The following SLC8A3 variants were observed in gnomAD, a reference collection of about 807,000 sequenced individuals.
SLC8A3 encodes solute carrier family 8 member A3.
In SLC8A3, 37 loss-of-function variants were observed where a neutral mutation model predicts 65.4. The ratio of observed to expected loss-of-function variants is 0.57; its 90% CI spans 0.44 to 0.74. SLC8A3 has a LOEUF of 0.74. Ranked by LOEUF, SLC8A3 falls within the 30% of genes least tolerant of loss-of-function variation. SLC8A3 has a pLI of 0.00. For missense variants in SLC8A3, 1,112 were observed against 1,172.1 expected, an observed-to-expected ratio of 0.95 and a Z score of 0.75; for synonymous variants, 461 against 444.5, an observed-to-expected ratio of 1.04 and a Z score of -0.47.
intron 2 of SLC8A3, among the ~76,000 whole-genome samples, chr14:70,156,270 T>C (rs1896568063): frequency 6.6e-6 from 1 of 152,182 alleles, no homozygotes; most frequent in African/African-American, 2.4e-5. Flanking sequence ...GTGTTATATG[T>C]AGGATAAAGA....
chr14:70,140,989 G>C (rs1895532455), intron 2 of SLC8A3, among the ~76,000 whole-genome samples: 1 of 152,148 alleles, frequency 6.6e-6, no homozygotes, highest in Admixed American at 6.5e-5. Flanking sequence ...TTAAATCAAA[G>C]GCTTCTGCTG....
chr14:70,117,411 T>G (rs1239623564), intron 2 of SLC8A3, among the ~76,000 whole-genome samples: 1 of 152,232 alleles, frequency 6.6e-6, no homozygotes, highest in Non-Finnish European at 1.5e-5. Context: ...CAGTTGGGCT[T>G]CTTTCACTTC....
At chr14:70,049,208 G>A (rs376643886) in intron 5 of SLC8A3, among the ~76,000 whole-genome samples, 166 bp from the exon 6 acceptor site, 1 of 152,220 alleles carries the variant, frequency 6.6e-6, no homozygotes, top group Admixed American at 6.5e-5. Context: ...AAAATAGTGG[G>A]GAAACAATTT....
intron 2 of SLC8A3, among the ~76,000 whole-genome samples, chr14:70,154,920 C>CTTTT (rs60863511): frequency 7.8e-6 from 1 of 128,930 alleles, no homozygotes; most frequent in Non-Finnish European, 1.6e-5. Context: ...ATTTATCATT[C>CTTTT]TTTTTTTTTT....
chr14:70,072,477 G>A (rs982940571), intron 2 of SLC8A3, among the ~76,000 whole-genome samples: 9 of 151,798 alleles, frequency 5.9e-5, no homozygotes, highest in African/African-American at 2.2e-4. Flanking sequence ...GCTCTACAGG[G>A]TAGAAAATAT....
intron 2 of SLC8A3, among the ~76,000 whole-genome samples, chr14:70,163,918 C>T (rs1049332654): frequency 3.3e-5 from 5 of 152,164 alleles, no homozygotes; most frequent in Non-Finnish European, 7.3e-5. Context: ...AAGGTCCTTT[C>T]TAGCTCTAAT....
chr14:70,103,312 C>T (rs1024856888), intron 2 of SLC8A3, among the ~76,000 whole-genome samples: 31 of 151,924 alleles, frequency 2.0e-4, no homozygotes, highest in African/African-American at 7.2e-4. Flanking sequence ...CAAATGAAAA[C>T]GGGTTTACAG....
chr14:70,055,659 C>A, intron 3 of SLC8A3: 1 of 666,660 alleles, frequency 1.5e-6, no homozygotes, highest in East Asian at 2.9e-5. Context: ...AAATAAATCT[C>A]CCAGTCCTTG....
At chr14:70,063,455 C>T (rs1332379082) in intron 2 of SLC8A3, among the ~76,000 whole-genome samples, 2 of 152,188 alleles carry the variant, frequency 1.3e-5, no homozygotes, top group Non-Finnish European at 2.9e-5. Flanking sequence ...CTATGTGGTC[C>T]CTTTTCCCCC....
chr14:70,047,383 C>T (rs935135380), intron 6 of SLC8A3: 20 of 151,968 alleles, frequency 1.3e-4, no homozygotes, highest in Non-Finnish European at 2.8e-4. Flanking sequence ...TATTTCTTCC[C>T]ACCTCTATGC....
chr14:70,160,081 G>A (rs904264901), intron 2 of SLC8A3, among the ~76,000 whole-genome samples: 9 of 152,240 alleles, frequency 5.9e-5, no homozygotes, highest in Non-Finnish European at 1.2e-4. Flanking sequence ...AATAAAAAAA[G>A]CAATACATTA....
intron 2 of SLC8A3, among the ~76,000 whole-genome samples, chr14:70,138,037 G>A (rs578103554): frequency 1.7e-4 from 26 of 152,268 alleles, no homozygotes; most frequent in Admixed American, 6.5e-4. Context: ...AAAATGGATG[G>A]CAGATGTTCC....
intron 2 of SLC8A3, among the ~76,000 whole-genome samples, chr14:70,148,145 A>G (rs979896443): frequency 1.3e-5 from 2 of 152,228 alleles, no homozygotes; most frequent in Non-Finnish European, 2.9e-5. Context: ...TTATTTTAAA[A>G]TAGGCTTTGT....
At chr14:70,160,972 C>T (rs543382921) in intron 2 of SLC8A3, among the ~76,000 whole-genome samples, 12 of 150,796 alleles carry the variant, frequency 8.0e-5, no homozygotes, top group African/African-American at 2.2e-4. Flanking sequence ...TGGTCGGGCA[C>T]GGTGGCTCAC....
chr14:70,177,097 G>A (rs964752562), intron 1 of SLC8A3, among the ~76,000 whole-genome samples: 12 of 152,226 alleles, frequency 7.9e-5, no homozygotes, highest in African/African-American at 2.9e-4. Flanking sequence ...ACTCAAAAAA[G>A]TTATAAGTTC....
At chr14:70,063,789 T>A (rs1889085463) in intron 2 of SLC8A3, 1 of 1,105,850 alleles carries the variant, frequency 9.0e-7, no homozygotes, top group Non-Finnish European at 1.4e-6. Flanking sequence ...GAGAGAAGAA[T>A]GTTAGTGTTA....
In SLC8A3 at chr14:70,064,459, A is replaced by G. The variant is rs542098659; in HGVS notation, c.1785-3520T>C. On this transcript the variant is annotated intron_variant, in intron 2 of 6. Coordinates refer to ENST00000356921, the MANE Select transcript of SLC8A3 (RefSeq NM_182932.3). ...GAAAGGGACAAACTGGTTTGTGGAA[A>G]TCTTGCCCAGAAATAGTAGAACTTC... Among the ~76,000 whole-genome samples the G allele has an allele frequency of 6.8e-5, 10 of 146,472 alleles. No homozygotes were observed. The South Asian group carries it at 2.2e-3, about 32-fold the overall frequency.
intron 3 of SLC8A3, among the ~76,000 whole-genome samples, chr14:70,058,520 T>C (rs1384800985): frequency 2.0e-5 from 3 of 152,210 alleles, no homozygotes; most frequent in African/African-American, 7.2e-5. Context: ...ACCACACAGA[T>C]AGCTTGCTGA....
chr14:70,114,657 T>C (rs1893539146), intron 2 of SLC8A3, among the ~76,000 whole-genome samples: 1 of 152,184 alleles, frequency 6.6e-6, no homozygotes, highest in Non-Finnish European at 1.5e-5. Context: ...TGACTTTAAA[T>C]TGGCCTAGAG....
Sources: allele counts gnomAD v4.1 joint callset (sites outside exome capture counted in the v4.1 genomes callset), GRCh38; gene constraint gnomAD v4.1.1; transcripts MANE v1.5; gene names NCBI Gene and HGNC (gene_info 2026-07-23, HGNC 2026-07-21).